The following RADX variants were observed in gnomAD, a reference collection of about 807,000 sequenced individuals.
RADX encodes RPA1 related single stranded DNA binding protein, X-linked.
RADX carries 36 observed loss-of-function variants against 61.6 expected under a neutral mutation model. The observed-to-expected ratio is 0.58, with a 90% CI of 0.45 to 0.77. The LOEUF (loss-of-function observed/expected upper bound fraction) is 0.77, where lower values mean the gene tolerates loss of function less well. Ranked by LOEUF, RADX falls within the 30% of genes least tolerant of loss-of-function variation. The pLI, the probability that RADX is intolerant of heterozygous loss-of-function variation, is 0.00. For missense variants in RADX, 497 were observed against 651.1 expected (o/e 0.76, Z 2.58); for synonymous variants, 272 against 237.9 (o/e 1.14, Z -1.32).
Position 106,612,431 on chromosome X carries a change from C to A in RADX, c.351C>A (p.Leu117=). 2 of 1,211,271 alleles carry A rather than the reference C, an allele frequency of 1.7e-6. No individual in the cohort carries two copies. Among genetic ancestry groups the A allele is most frequent in the South Asian group, 3.5e-5 (2 of 56,943 alleles). The change falls in exon 1 of 14, where the codon CTC becomes CTA. Residue 117 remains leucine, a synonymous_variant. Transcript: ENST00000372548. The part of the protein sequence containing the change: ...KCYLDPSLNS[L]VYQNILKVGI... ...ACCTGGACCCCAGCTTGAACTCTCT[C>A]GTATATCAAAATATTCTTAAAGTTG...
rs1033181298 is a variant in RADX, at chrX:106,662,097, G to C, written c.2061G>C (p.Glu687Asp). 8.3e-7 allele frequency: 1 copy of C among 1,210,120 alleles called. No homozygotes were observed. Among genetic ancestry groups the C allele is most frequent in the Non-Finnish European group, 1.1e-6 (1 of 894,487 alleles). The change falls in exon 12 of 14, where the codon GAG becomes GAC. Residue 687 changes from glutamate to aspartate, a missense_variant. Physicochemically the swap from Glu to Asp is conservative, Grantham distance 45. Transcript: ENST00000372548. Reference protein sequence around the residue: ...SDRWESQLWREKKFGLIDHLH... With the variant: ...SDRWESQLWRDKKFGLIDHLH... Reference sequence around the variant, plus strand: ...GGTGGGAGAGTCAGCTGTGGAGAGAGAAAAAGTTTGGCTTAATAGATCACC... The same window carrying C: ...GGTGGGAGAGTCAGCTGTGGAGAGACAAAAAGTTTGGCTTAATAGATCACC...
chrX:106,624,268 C>T (rs1218783436), intron 2 of RADX, among the ~76,000 whole-genome samples: 1 of 111,243 alleles, frequency 9.0e-6, no homozygotes, highest in Non-Finnish European at 1.9e-5. Context: ...ACTCAGGACC[C>T]CACTATATGC....
chrX:106,635,083 A>C (rs1927330427), intron 6 of RADX, among the ~76,000 whole-genome samples: 1 of 111,923 alleles, frequency 8.9e-6, no homozygotes, highest in Admixed American at 9.5e-5. Context: ...CAGGCCCAAG[A>C]AGGGGAGCAT....
intron 3 of RADX, among the ~76,000 whole-genome samples, chrX:106,627,625 C>T (rs1302898612): frequency 9.0e-6 from 1 of 110,774 alleles, no homozygotes; most frequent in African/African-American, 3.3e-5. Context: ...TATCCCTCCC[C>T]ACTCACTCCC....
Position 106,612,038 on chromosome X carries a change from A to G in RADX, c.-43A>G. The G allele has an allele frequency of 8.5e-7, 1 of 1,171,865 alleles. No individual in the cohort carries two copies. Among genetic ancestry groups the G allele is most frequent in the South Asian group, 2.0e-5 (1 of 50,811 alleles). ...TATTTCTCTCCGCTTTGGACGGGGCAAACTAGCTTTTGGGAGTGAAGCGGG... is the reference window on the plus strand; with the variant it reads ...TATTTCTCTCCGCTTTGGACGGGGCGAACTAGCTTTTGGGAGTGAAGCGGG... On this transcript the variant is annotated 5_prime_UTR_variant, in exon 1 of 14. Transcript: ENST00000372548.
chrX:106,663,510 T>G (rs966504575), intron 12 of RADX, among the ~76,000 whole-genome samples: 1 of 111,903 alleles, frequency 8.9e-6, no homozygotes, highest in Non-Finnish European at 1.9e-5. Context: ...TAATCATGGA[T>G]AATAGATACA....
intron 1 of RADX, among the ~76,000 whole-genome samples, chrX:106,617,555 G>C (rs6523879): frequency 0.11 from 11,943 of 110,918 alleles, 1,553 homozygotes; most frequent in African/African-American, 0.37. Flanking sequence ...TTACTATAAC[G>C]TGTGCAATTT....
chrX:106,614,131 T>G (rs1263044310), intron 1 of RADX, among the ~76,000 whole-genome samples: 1 of 111,688 alleles, frequency 9.0e-6, no homozygotes, highest in Non-Finnish European at 1.9e-5. Context: ...ACTGTAAAAT[T>G]TATTCAGTTT....
At position 106,642,346 on chromosome X, in the gene RADX, T is replaced by A. The variant is rs187100859; in HGVS notation, c.1904+1625T>A. 3.8e-3 allele frequency among the ~76,000 whole-genome samples: 426 copies of A among 111,231 alleles called. 1 individual carries two copies. Among genetic ancestry groups the A allele is most frequent in the African/African-American group, 0.013 (402 of 30,646 alleles). ...ATGTGCTATCAAGTAGTAGGTCTTATTCATTCTTTCTAGCTATTTATTTGT... is the reference window on the plus strand; with the variant it reads ...ATGTGCTATCAAGTAGTAGGTCTTAATCATTCTTTCTAGCTATTTATTTGT... On this transcript the variant is annotated intron_variant, in intron 10 of 13. Coordinates refer to ENST00000372548, the MANE Select transcript of RADX (RefSeq NM_018015.6).
chrX:106,641,861 AC>A (rs1345880424), intron 10 of RADX, among the ~76,000 whole-genome samples: 1 of 111,700 alleles, frequency 9.0e-6, no homozygotes, highest in Admixed American at 9.5e-5. Flanking sequence ...ACATTTGCTT[AC>A]CAGTTGTTTA....
chrX:106,625,808 G>A (rs1927063514), intron 3 of RADX, among the ~76,000 whole-genome samples: 1 of 110,476 alleles, frequency 9.1e-6, no homozygotes, highest in Non-Finnish European at 1.9e-5. Flanking sequence ...ACACACATAT[G>A]TATGTATATA....
chrX:106,666,976 T>G (rs1022822992), intron 12 of RADX, among the ~76,000 whole-genome samples: 13 of 112,257 alleles, frequency 1.2e-4, no homozygotes, highest in African/African-American at 3.9e-4. Flanking sequence ...TTACTCAATT[T>G]AAGAAATATT....
intron 2 of RADX, among the ~76,000 whole-genome samples, chrX:106,623,885 C>T (rs922098263): frequency 9.9e-5 from 11 of 111,082 alleles, no homozygotes; most frequent in Non-Finnish European, 1.7e-4. Flanking sequence ...AGTCATTCCC[C>T]GATAGTTTTT....
intron 2 of RADX, among the ~76,000 whole-genome samples, chrX:106,623,013 C>G (rs1926989636): frequency 9.0e-6 from 1 of 111,356 alleles, no homozygotes; most frequent in African/African-American, 3.3e-5. Flanking sequence ...TTTCCCTGAT[C>G]CAGGTGGTCT....
chrX:106,621,858 A>G (rs1279430634), intron 1 of RADX, among the ~76,000 whole-genome samples: 3 of 110,284 alleles, frequency 2.7e-5, no homozygotes, highest in African/African-American at 9.9e-5. Flanking sequence ...TTTGCGGGAG[A>G]TAGAATTTAT....
At chrX:106,630,842 C>T (rs1480124839) in intron 3 of RADX, among the ~76,000 whole-genome samples, 3 of 111,199 alleles carry the variant, frequency 2.7e-5, no homozygotes, top group Non-Finnish European at 5.7e-5. Context: ...ATAATCTGTA[C>T]AACAAACCCC....
chrX:106,660,944 C>T (rs1337421418), intron 11 of RADX, among the ~76,000 whole-genome samples: 1 of 111,404 alleles, frequency 9.0e-6, no homozygotes, highest in East Asian at 2.9e-4. Context: ...TCATGCCAGG[C>T]ACGTCTTATA....
At chrX:106,671,627 C>T (rs1285809171) in intron 13 of RADX, among the ~76,000 whole-genome samples, 1 of 111,653 alleles carries the variant, frequency 9.0e-6, no homozygotes, top group Non-Finnish European at 1.9e-5. Context: ...TGCTAATTTA[C>T]ACTAGAACCA....
At position 106,631,813 on chromosome X, in the gene RADX, G is replaced by GAGAA. The variant is rs1415388122; in HGVS notation, c.980-798_980-795dup. 2.5e-3 allele frequency among the ~76,000 whole-genome samples: 260 copies of GAGAA among 104,901 alleles called. 3 individuals carry two copies. Among genetic ancestry groups the GAGAA allele is most frequent in the African/African-American group, 8.8e-3 (251 of 28,642 alleles). 91.1% of individuals were successfully genotyped at this position (104,901 alleles called of 115,157 possible). ...GAAAGAGAAAGAAAGAAGAAAGAAA[G>GAGAA]AGAAAGAAAGAAAGAAAAGAAAGAA... On this transcript the variant is annotated intron_variant, in intron 3 of 13. Transcript: ENST00000372548.
Sources: gnomAD v4.1 joint callset for allele counts (sites outside exome capture counted in the v4.1 genomes callset) on GRCh38, gnomAD v4.1.1 for gene constraint, MANE v1.5 for transcripts, NCBI Gene and HGNC (gene_info 2026-07-23, HGNC 2026-07-21) for gene names.